The following SLC35F3 variants were observed in gnomAD, a reference collection of about 807,000 sequenced individuals.
SLC35F3 encodes putative thiamine transporter SLC35F3.
In SLC35F3, 25 loss-of-function variants were observed where a neutral mutation model predicts 49.9. The observed-to-expected ratio is 0.50, with a 90% CI of 0.37 to 0.70. SLC35F3 has a LOEUF of 0.70. Among genes scored for constraint, SLC35F3 ranks in the 30% least tolerant of loss-of-function variants. SLC35F3 has a pLI of 0.00. For missense variants in SLC35F3, 525 were observed against 639.8 expected (o/e 0.82, Z 1.94); for synonymous variants, 275 against 265.4 (o/e 1.04, Z -0.35).
intron 2 of SLC35F3, among the ~76,000 whole-genome samples, chr1:234,053,229 A>G (rs1381324991): frequency 2.0e-5 from 3 of 152,150 alleles, no homozygotes; most frequent in Non-Finnish European, 4.4e-5. Flanking sequence ...TCTAATGTTG[A>G]CAGTGGGGTG....
intron 2 of SLC35F3, among the ~76,000 whole-genome samples, chr1:234,164,461 T>C (rs779490666): frequency 3.0e-4 from 45 of 151,412 alleles, no homozygotes; most frequent in Non-Finnish European, 6.2e-4. Flanking sequence ...TGTTTTCTCC[T>C]TCCACATACC....
intron 2 of SLC35F3, among the ~76,000 whole-genome samples, chr1:234,169,333 C>T (rs1348657609): frequency 1.3e-5 from 2 of 152,184 alleles, no homozygotes; most frequent in Non-Finnish European, 2.9e-5. Context: ...CCCAGTCAAG[C>T]TGACACATAA....
intron 2 of SLC35F3, among the ~76,000 whole-genome samples, chr1:234,000,660 G>T (rs1663536998): frequency 6.6e-6 from 1 of 152,174 alleles, no homozygotes; most frequent in Non-Finnish European, 1.5e-5. Context: ...AGCTAGGAAA[G>T]GGCTGAATTC....
At chr1:234,036,857 C>G (rs1208164171) in intron 2 of SLC35F3, among the ~76,000 whole-genome samples, 1 of 152,132 alleles carries the variant, frequency 6.6e-6, no homozygotes. Context: ...CTCAGTTTTC[C>G]CCACTGCTGG....
intron 2 of SLC35F3, among the ~76,000 whole-genome samples, chr1:234,003,998 T>C (rs1219291127): frequency 2.6e-5 from 4 of 152,152 alleles, no homozygotes; most frequent in African/African-American, 9.7e-5. Context: ...ATATGACTGA[T>C]GGGAGAATAA....
intron 2 of SLC35F3, among the ~76,000 whole-genome samples, chr1:234,005,834 G>A (rs1357687472): frequency 6.6e-6 from 1 of 152,156 alleles, no homozygotes; most frequent in Non-Finnish European, 1.5e-5. Context: ...TGTGTGGAAA[G>A]ACTACGAAGC....
chr1:234,160,629 C>T (rs936525047), intron 2 of SLC35F3, among the ~76,000 whole-genome samples: 2 of 152,168 alleles, frequency 1.3e-5, no homozygotes, highest in African/African-American at 4.8e-5. Context: ...GACATATGGT[C>T]ACTCTACTTA....
At chr1:233,963,803 C>CAT (rs1240664689) in intron 2 of SLC35F3, among the ~76,000 whole-genome samples, 1 of 152,188 alleles carries the variant, frequency 6.6e-6, no homozygotes, top group Non-Finnish European at 1.5e-5. Flanking sequence ...ATTGCACAGC[C>CAT]ATAAGGAGGT....
intron 3 of SLC35F3, among the ~76,000 whole-genome samples, chr1:234,305,981 G>T (rs1572144787): frequency 6.6e-6 from 1 of 152,164 alleles, no homozygotes; most frequent in Non-Finnish European, 1.5e-5. Flanking sequence ...AAGGGTGTTA[G>T]ACTGTCCCGT....
At chr1:234,103,669 A>G (rs928500122) in intron 2 of SLC35F3, among the ~76,000 whole-genome samples, 2 of 152,202 alleles carry the variant, frequency 1.3e-5, no homozygotes, top group Admixed American at 1.3e-4. Flanking sequence ...TGTCAGGGGC[A>G]GACTCTGCTT....
rs1657596187 is a variant in SLC35F3 at position 234,320,726 on chromosome 1, C to T, written c.1237+539C>T. Reference sequence around the variant, plus strand: ...GAAGACAGGGAGAGAACGCCCTTTGCCCAGGAACTCGGGACTGCCCTTTGT... The same window carrying T: ...GAAGACAGGGAGAGAACGCCCTTTGTCCAGGAACTCGGGACTGCCCTTTGT... On this transcript the variant is annotated intron_variant, in intron 7 of 7. Transcript: ENST00000366618. The surrounding 1 kb of genome is among the most constrained non-coding windows in gnomAD (Gnocchi z 4.8). 6.6e-6 allele frequency among the ~76,000 whole-genome samples: 1 copy of T among 152,170 alleles called. No individual in the cohort carries two copies. The highest frequency in any genetic ancestry group is 6.5e-5 in the Admixed American group (1 of 15,272).
At chr1:234,261,894 C>T (rs905296387) in intron 3 of SLC35F3, 14 of 152,168 alleles carry the variant, frequency 9.2e-5, no homozygotes, top group Admixed American at 7.9e-4. Context: ...TAACTAGTGT[C>T]GTACAGCCAG....
At chr1:234,188,612 C>T (rs1043267637) in intron 2 of SLC35F3, among the ~76,000 whole-genome samples, 9 of 152,144 alleles carry the variant, frequency 5.9e-5, no homozygotes, top group Admixed American at 5.9e-4. Flanking sequence ...CTTCCCTACT[C>T]ACCCTGGTAG....
At chr1:234,206,780 A>G (rs1017347668) in intron 2 of SLC35F3, among the ~76,000 whole-genome samples, 1 of 152,160 alleles carries the variant, frequency 6.6e-6, no homozygotes, top group African/African-American at 2.4e-5. Flanking sequence ...GGAGACCCCT[A>G]TCTCAGAGAT....
intron 2 of SLC35F3, among the ~76,000 whole-genome samples, chr1:233,964,538 G>C (rs1275255960): frequency 2.0e-5 from 3 of 152,202 alleles, no homozygotes; most frequent in Non-Finnish European, 2.9e-5. Context: ...GAGCAAGATG[G>C]CTTCAAGAAT....
At chr1:234,055,471 A>T (rs1371559272) in intron 2 of SLC35F3, among the ~76,000 whole-genome samples, 1 of 152,214 alleles carries the variant, frequency 6.6e-6, no homozygotes, top group East Asian at 1.9e-4. Flanking sequence ...ATGGGATATA[A>T]TCTCCTGGTG....
At chr1:233,923,189 T>G (rs1002960402) in intron 2 of SLC35F3, among the ~76,000 whole-genome samples, 1 of 152,198 alleles carries the variant, frequency 6.6e-6, no homozygotes, top group Non-Finnish European at 1.5e-5. Context: ...GTGAAGAAAG[T>G]CATTGGTAGC....
chr1:234,205,929 G>A (rs1035669484), intron 2 of SLC35F3, among the ~76,000 whole-genome samples: 18 of 152,118 alleles, frequency 1.2e-4, no homozygotes, highest in African/African-American at 4.3e-4. Flanking sequence ...TGAGGGGTCC[G>A]TGTAGAGGAA....
intron 2 of SLC35F3, among the ~76,000 whole-genome samples, chr1:234,088,412 T>C (rs113137298): frequency 0.019 from 2,897 of 152,314 alleles, 87 homozygotes; most frequent in African/African-American, 0.067. Context: ...TTTGCCATGT[T>C]GGCCAGGCTG....
Sources: allele counts gnomAD v4.1 joint callset (sites outside exome capture counted in the v4.1 genomes callset), GRCh38; gene constraint gnomAD v4.1.1; non-coding constraint Gnocchi (gnomAD v3.1); transcripts MANE v1.5; gene names NCBI Gene and HGNC (gene_info 2026-07-23, HGNC 2026-07-21).